VTI1A: variants seen among roughly 807,000 people sequenced by gnomAD.
VTI1A encodes the protein vesicle transport through interaction with t-SNAREs 1A.
A neutral mutation model predicts 34.9 loss-of-function variants in VTI1A; 22 were observed. That is an observed-to-expected ratio of 0.63 (90% confidence interval 0.45 to 0.90). The LOEUF (loss-of-function observed/expected upper bound fraction) is 0.90, where lower values mean the gene tolerates loss of function less well. Among genes scored for constraint, VTI1A ranks in the 40% least tolerant of loss-of-function variants. VTI1A has a pLI of 0.00. For synonymous variants in VTI1A, 87 were observed against 97.3 expected (o/e 0.89, Z 0.62); for missense variants, 268 against 275.6 (o/e 0.97, Z 0.20).
chr10:112,808,085 G>T (rs543587442), intron 7 of VTI1A, among the ~76,000 whole-genome samples: 34 of 152,000 alleles, frequency 2.2e-4, no homozygotes, highest in Non-Finnish European at 4.1e-4. Context: ...AGGTGCGGTG[G>T]TGCATGCCTG....
intron 5 of VTI1A, among the ~76,000 whole-genome samples, chr10:112,667,409 A>G (rs909812284): frequency 2.0e-5 from 3 of 152,188 alleles, no homozygotes; most frequent in Non-Finnish European, 4.4e-5. Flanking sequence ...ATGTCAAGCC[A>G]TACCTACTGT....
At chr10:112,681,045 T>A (rs1848193659) in intron 7 of VTI1A, among the ~76,000 whole-genome samples, 1 of 151,830 alleles carries the variant, frequency 6.6e-6, no homozygotes, top group South Asian at 2.1e-4. Flanking sequence ...CAATCTTACC[T>A]TAAACTGTTG....
chr10:112,695,696 C>T (rs1487064777), intron 7 of VTI1A, among the ~76,000 whole-genome samples: 3 of 152,166 alleles, frequency 2.0e-5, no homozygotes, highest in Non-Finnish European at 2.9e-5. Context: ...AGATGCACTG[C>T]GTGCCCAGTG....
chr10:112,583,192 C>T (rs541970488), intron 5 of VTI1A, among the ~76,000 whole-genome samples: 25 of 152,302 alleles, frequency 1.6e-4, no homozygotes, highest in African/African-American at 5.5e-4. Context: ...TGCCTTCTGG[C>T]CCTGGGTGCT....
chr10:112,618,508 T>G (rs1287858717), intron 5 of VTI1A, among the ~76,000 whole-genome samples: 1,084 of 31,214 alleles, frequency 0.035, 14 homozygotes, highest in African/African-American at 0.1. Context: ...TATATATATA[T>G]ATATATATAT....
chr10:112,447,346 G>A lies in VTI1A; in HGVS notation c.-28G>A. 6.2e-7 allele frequency: 1 copy of A among 1,608,680 alleles called. No homozygotes were observed. Among genetic ancestry groups the A allele is most frequent in the Non-Finnish European group, 8.5e-7 (1 of 1,177,802 alleles). ...AGGCCCTTTCCCTGACCTAGGCTTT[G>A]GCCTGGGCTACTCGTTCCGGAGCCG... On this transcript the variant is annotated 5_prime_UTR_variant, in exon 1 of 8. Transcript: ENST00000393077.
intron 5 of VTI1A, among the ~76,000 whole-genome samples, chr10:112,613,722 G>C (rs1321634335): frequency 6.6e-6 from 1 of 152,206 alleles, no homozygotes; most frequent in Non-Finnish European, 1.5e-5. Flanking sequence ...AAAAACAAGG[G>C]CTGCCCTTCA....
At chr10:112,468,429 A>G (rs1847973434) in intron 3 of VTI1A, among the ~76,000 whole-genome samples, 1 of 152,194 alleles carries the variant, frequency 6.6e-6, no homozygotes, top group South Asian at 2.1e-4. Flanking sequence ...ATACCTAGAA[A>G]TACTGAATTT....
intron 7 of VTI1A, among the ~76,000 whole-genome samples, chr10:112,811,548 G>A (rs1256853176): frequency 6.6e-6 from 1 of 151,960 alleles, no homozygotes; most frequent in Non-Finnish European, 1.5e-5. Flanking sequence ...GCCGGGCGTG[G>A]TGGCGGGCGC....
Position 112,521,643 on chromosome 10 carries a change from C to G in VTI1A, c.265-5444C>G, listed in dbSNP as rs924739836. 6.6e-5 allele frequency among the ~76,000 whole-genome samples: 10 copies of G among 152,150 alleles called. 1 individual carries two copies. Among genetic ancestry groups the G allele is most frequent in the Admixed American group, 6.6e-4 (10 of 15,246 alleles). On this transcript the variant is annotated intron_variant, in intron 3 of 7. Transcript: ENST00000393077. ...CCAAGATCACATACTGAAATGCTCT[C>G]TCTGTTCTTTTCATTTAGTACCCTG...
At chr10:112,476,620 A>G (rs748895046) in intron 3 of VTI1A, among the ~76,000 whole-genome samples, 5 of 152,188 alleles carry the variant, frequency 3.3e-5, no homozygotes, top group Non-Finnish European at 7.4e-5. Flanking sequence ...CTTAAGGCTT[A>G]CTTACGTTCT....
intron 7 of VTI1A, among the ~76,000 whole-genome samples, chr10:112,760,633 G>T (rs1383430890): frequency 6.6e-6 from 1 of 152,196 alleles, no homozygotes; most frequent in Admixed American, 6.5e-5. Flanking sequence ...GCTCACGCCT[G>T]CAATCCCAGC....
At chr10:112,504,046 T>C (rs1460701949) in intron 3 of VTI1A, among the ~76,000 whole-genome samples, 1 of 152,168 alleles carries the variant, frequency 6.6e-6, no homozygotes, top group Non-Finnish European at 1.5e-5. Context: ...AACTCATGCC[T>C]GAAATTTCCC....
At chr10:112,714,736 A>T (rs1456741063) in intron 7 of VTI1A, among the ~76,000 whole-genome samples, 2 of 152,260 alleles carry the variant, frequency 1.3e-5, no homozygotes, top group Non-Finnish European at 2.9e-5. Flanking sequence ...CAGGCACAGG[A>T]GGATCAGGAA....
chr10:112,830,839 A>T, the VTI1A span, among the ~76,000 whole-genome samples: 18 of 46,286 alleles, frequency 3.9e-4, 2 homozygotes, highest in African/African-American at 1.3e-3. Flanking sequence ...ATATATATAT[A>T]TATATATATA....
At chr10:112,731,417 A>G (rs891253013) in intron 7 of VTI1A, among the ~76,000 whole-genome samples, 2 of 152,070 alleles carry the variant, frequency 1.3e-5, no homozygotes, top group African/African-American at 4.8e-5. Flanking sequence ...TACTAAAAAT[A>G]CAAAAAAATT....
chr10:112,604,403 T>G (rs1313314578), intron 5 of VTI1A, among the ~76,000 whole-genome samples: 1 of 152,172 alleles, frequency 6.6e-6, no homozygotes, highest in Non-Finnish European at 1.5e-5. Context: ...CTCTATCCTA[T>G]TCTTCTCTTT....
At chr10:112,753,168 G>A (rs1485678517) in intron 7 of VTI1A, among the ~76,000 whole-genome samples, 2 of 151,818 alleles carry the variant, frequency 1.3e-5, no homozygotes, top group Admixed American at 1.3e-4. Context: ...ACAGATTTGC[G>A]ATGTTATCAG....
chr10:112,620,656 G>C (rs919083443), intron 5 of VTI1A, among the ~76,000 whole-genome samples: 8 of 152,082 alleles, frequency 5.3e-5, no homozygotes, highest in African/African-American at 1.2e-4. Flanking sequence ...TGGGCATGGT[G>C]GTGGGCGCCT....
Sources: allele counts gnomAD v4.1 joint callset (sites outside exome capture counted in the v4.1 genomes callset), GRCh38; gene constraint gnomAD v4.1.1; transcripts MANE v1.5; gene names NCBI Gene and HGNC (gene_info 2026-07-23, HGNC 2026-07-21).